The following ADGRL3 variants were observed in gnomAD, a reference collection of about 807,000 sequenced individuals.
The protein encoded by ADGRL3 is adhesion G protein-coupled receptor L3.
Under a neutral mutation model 153.5 loss-of-function variants are expected in ADGRL3, and 62 were observed. The observed-to-expected ratio is 0.40, with a 90% CI of 0.33 to 0.50. ADGRL3 has a LOEUF of 0.50. Ranked by LOEUF, ADGRL3 falls within the 20% of genes least tolerant of loss-of-function variation. ADGRL3 has a pLI of 0.47. For missense variants in ADGRL3, 1,641 were observed against 1,859.4 expected, an observed-to-expected ratio of 0.88 and a Z score of 2.16; for synonymous variants, 710 against 672.5, an observed-to-expected ratio of 1.06 and a Z score of -0.86.
rs139620771 is a variant in ADGRL3, at chr4:61,526,998, A to G, written c.259+9480A>G. 8.3e-4 allele frequency among the ~76,000 whole-genome samples: 127 copies of G among 152,242 alleles called. 1 individual carries two copies. The East Asian group carries it at 0.019, about 23-fold the overall frequency. ...AATATTTGTCATGAGTGATACATTT[A>G]TTGAAACTAGCCTTGAAATATGAAA... is the stretch of plus-strand genomic sequence containing the variant. On this transcript the variant is annotated intron_variant, in intron 4 of 26. Transcript: ENST00000683033.
intron 21 of ADGRL3, among the ~76,000 whole-genome samples, chr4:62,012,071 A>C (rs1378528340): frequency 1.3e-5 from 2 of 152,156 alleles, no homozygotes; most frequent in African/African-American, 2.4e-5. Context: ...TGACTTAAAA[A>C]ATTTGTTGTG....
At chr4:61,867,627 G>A (rs115076932) in intron 9 of ADGRL3, among the ~76,000 whole-genome samples, 2,044 of 148,556 alleles carry the variant, frequency 0.014, 47 homozygotes, top group African/African-American at 0.046. Context: ...AGAGAAAAGC[G>A]TATAGATTTA....
chr4:61,517,822 A>C (rs894704519), intron 4 of ADGRL3, among the ~76,000 whole-genome samples: 1 of 152,182 alleles, frequency 6.6e-6, no homozygotes, highest in African/African-American at 2.4e-5. Context: ...TGACACTTTC[A>C]ACTCTTGTAA....
intron 8 of ADGRL3, among the ~76,000 whole-genome samples, chr4:61,746,833 C>T (rs1408867435): frequency 9.9e-5 from 15 of 152,006 alleles, no homozygotes; most frequent in Non-Finnish European, 1.5e-4. Flanking sequence ...CAAAAGCTAG[C>T]AGAAGGCAAG....
At chr4:61,920,426 C>T (rs1452384065) in intron 13 of ADGRL3, among the ~76,000 whole-genome samples, 4 of 152,118 alleles carry the variant, frequency 2.6e-5, no homozygotes, top group Non-Finnish European at 5.9e-5. Flanking sequence ...TGTCTGAGAG[C>T]GTGGATCCAA....
chr4:61,728,705 A>ATT (rs2096389824), intron 6 of ADGRL3, among the ~76,000 whole-genome samples: 1 of 152,086 alleles, frequency 6.6e-6, no homozygotes. Context: ...AAGGAACCAA[A>ATT]TTAGTTCTGA....
At position 61,209,701 on chromosome 4, in the gene ADGRL3, A is replaced by G. The variant is rs188882894; in HGVS notation, c.-240+7936A>G. Among the ~76,000 whole-genome samples, 832 of 152,284 alleles carry G rather than the reference A, an allele frequency of 5.5e-3. 2 individuals carry two copies. The highest frequency in any genetic ancestry group is 8.1e-3 in the Non-Finnish European group (552 of 68,002). On this transcript the variant is annotated intron_variant, in intron 1 of 26. Coordinates refer to ENST00000683033, the MANE Select transcript of ADGRL3 (RefSeq NM_001387552.1). Reference sequence around the variant, plus strand: ...TGCTACTAATTCCCCATCAAAAATTATAATCCTGACAGAAAAATATTTTTG... The same window carrying G: ...TGCTACTAATTCCCCATCAAAAATTGTAATCCTGACAGAAAAATATTTTTG...
chr4:61,785,158 A>G (rs534087769), intron 8 of ADGRL3, among the ~76,000 whole-genome samples: 1 of 152,312 alleles, frequency 6.6e-6, no homozygotes, highest in African/African-American at 2.4e-5. Flanking sequence ...AGAGAGACAT[A>G]GAAGGTAGTT....
At chr4:61,983,917 GC>G (rs2099076839) in intron 19 of ADGRL3, among the ~76,000 whole-genome samples, 2 of 152,148 alleles carry the variant, frequency 1.3e-5, no homozygotes, top group Non-Finnish European at 2.9e-5. Context: ...TGTATGAAGA[GC>G]TATTTGCTAG....
chr4:61,348,171 A>G (rs1295812667), intron 1 of ADGRL3, among the ~76,000 whole-genome samples: 1 of 152,076 alleles, frequency 6.6e-6, no homozygotes, highest in Non-Finnish European at 1.5e-5. Context: ...CCAAACCCAG[A>G]GACAGACGCT....
intron 1 of ADGRL3, among the ~76,000 whole-genome samples, chr4:61,229,482 C>T (rs780159482): frequency 6.6e-6 from 1 of 151,002 alleles, no homozygotes; most frequent in Non-Finnish European, 1.5e-5. Context: ...TGAATTTTAA[C>T]GTAGTATACA....
At chr4:61,802,642 T>C (rs1371072791) in intron 8 of ADGRL3, among the ~76,000 whole-genome samples, 1 of 152,100 alleles carries the variant, frequency 6.6e-6, no homozygotes, top group East Asian at 1.9e-4. Context: ...CAGACCTGGG[T>C]AATAGATTCA....
intron 1 of ADGRL3, among the ~76,000 whole-genome samples, chr4:61,380,887 A>C (rs565685866): frequency 6.6e-5 from 10 of 152,146 alleles, no homozygotes; most frequent in African/African-American, 1.4e-4. Flanking sequence ...CAGTCGTATT[A>C]CTTTTTACTG....
At chr4:61,879,021 A>G (rs1247513944) in intron 9 of ADGRL3, among the ~76,000 whole-genome samples, 1 of 152,138 alleles carries the variant, frequency 6.6e-6, no homozygotes, top group African/African-American at 2.4e-5. Flanking sequence ...TATATTCTTT[A>G]TGCCCCAATT....
At chr4:61,291,611 C>T (rs201907337) in intron 1 of ADGRL3, among the ~76,000 whole-genome samples, 641 of 9,592 alleles carry the variant, frequency 0.067, 15 homozygotes, top group African/African-American at 0.13. Context: ...TATACACACA[C>T]ATATATATAT....
chr4:61,823,051 T>C (rs2097770023), intron 9 of ADGRL3, among the ~76,000 whole-genome samples: 1 of 152,156 alleles, frequency 6.6e-6, no homozygotes, highest in African/African-American at 2.4e-5. Flanking sequence ...GGGATTAGTA[T>C]GTCTCTAAGT....
chr4:61,206,956 C>T (rs968816302), intron 1 of ADGRL3, among the ~76,000 whole-genome samples: 5 of 151,778 alleles, frequency 3.3e-5, no homozygotes, highest in African/African-American at 1.2e-4. Flanking sequence ...GCACTCCAGC[C>T]TGGTCCACAG....
Position 61,853,105 on chromosome 4 carries a change from G to C in ADGRL3, c.1480+39216G>C, listed in dbSNP as rs950692445. 8.6e-5 allele frequency among the ~76,000 whole-genome samples: 13 copies of C among 151,684 alleles called. 1 individual carries two copies. The highest frequency in any genetic ancestry group is 3.1e-4 in the African/African-American group (13 of 41,276). ...TGATCTCGGGTCGCTGCAACCACCCGCTCCTCTCCAGGTGTGGAGCCACTG... is the reference window on the plus strand; with the variant it reads ...TGATCTCGGGTCGCTGCAACCACCCCCTCCTCTCCAGGTGTGGAGCCACTG... On this transcript the variant is annotated intron_variant, in intron 9 of 26. Transcript: ENST00000683033.
intron 11 of ADGRL3, among the ~76,000 whole-genome samples, chr4:61,902,697 C>T (rs1040902628): frequency 6.6e-6 from 1 of 152,012 alleles, no homozygotes; most frequent in African/African-American, 2.4e-5. Context: ...GCCCAGAGGC[C>T]CCTACCCACA....
Sources: gnomAD v4.1 joint callset for allele counts (sites outside exome capture counted in the v4.1 genomes callset) on GRCh38, gnomAD v4.1.1 for gene constraint, MANE v1.5 for transcripts, NCBI Gene and HGNC (gene_info 2026-07-23, HGNC 2026-07-21) for gene names.